NPLOC4: variants seen among roughly 807,000 people sequenced by gnomAD.
NPLOC4 encodes the protein nuclear protein localization protein 4 homolog.
In NPLOC4, 18 loss-of-function variants were observed where a neutral mutation model predicts 80.6. The observed-to-expected ratio is 0.22, with a 90% confidence interval of 0.15 to 0.33. The LOEUF is 0.33. Ranked by LOEUF, NPLOC4 falls within the 10% of genes least tolerant of loss-of-function variation. The pLI, the probability that NPLOC4 is intolerant of heterozygous loss-of-function variation, is 1.00. For synonymous variants in NPLOC4, 313 were observed against 301.5 expected, an observed-to-expected ratio of 1.04 and a Z score of -0.39; for missense variants, 540 against 786.1, an observed-to-expected ratio of 0.69 and a Z score of 3.74.
At chr17:81,565,288 A>C in intron 16 of NPLOC4, 1 of 701,470 alleles carries the variant, frequency 1.4e-6, no homozygotes, top group Non-Finnish European at 2.6e-6. Context: ...TGTGTACCTA[A>C]GACGTACGGC....
intron 8 of NPLOC4, among the ~76,000 whole-genome samples, chr17:81,601,261 T>A (rs776384299): frequency 2.6e-5 from 4 of 152,180 alleles, no homozygotes; most frequent in Non-Finnish European, 5.9e-5. Flanking sequence ...TGTAAATTAG[T>A]GAAAATCTGG....
chr17:81,604,467 C>G, intron 8 of NPLOC4, 81 bp downstream of exon 8: 1 of 1,293,676 alleles, frequency 7.7e-7, no homozygotes. Flanking sequence ...ACAAAGCGAA[C>G]AGGGCAAGGC....
At chr17:81,605,698 C>T (rs574572976) in intron 7 of NPLOC4, among the ~76,000 whole-genome samples, 2 of 151,580 alleles carry the variant, frequency 1.3e-5, no homozygotes, top group African/African-American at 2.4e-5. Context: ...AGTCCAGTGG[C>T]GGGACACGGG....
At chr17:81,621,383 C>G (rs62074729) in intron 3 of NPLOC4, among the ~76,000 whole-genome samples, 12,133 of 152,308 alleles carry the variant, frequency 0.08, 560 homozygotes, top group Middle Eastern at 0.17. Context: ...GCCCATCATT[C>G]TGGCTGGTAA....
At chr17:81,600,185 G>A (rs935349083) in intron 9 of NPLOC4, among the ~76,000 whole-genome samples, 156 bp downstream of exon 9, 21 of 152,046 alleles carry the variant, frequency 1.4e-4, no homozygotes, top group Admixed American at 4.6e-4. Flanking sequence ...ACAAACATAT[G>A]TGAAGTTTCA....
Position 81,604,542 on chromosome 17 carries a change from GT to G in NPLOC4, c.834+5del. 3 of 1,610,804 alleles carry G rather than the reference GT, an allele frequency of 1.9e-6. No individual in the cohort carries two copies. The highest frequency in any genetic ancestry group is 2.5e-6 in the Non-Finnish European group (3 of 1,178,668). Reference sequence around the variant, plus strand: ...AACTCAGGAACTTGAATCCCGTCATGTTTACCTGAGGTGGCTCATAAATCGC... The same window carrying G: ...AACTCAGGAACTTGAATCCCGTCATGTTACCTGAGGTGGCTCATAAATCGC... On this transcript the variant is annotated splice_donor_5th_base_variant and intron_variant, in intron 8 of 16. Coordinates refer to ENST00000331134, the MANE Select transcript of NPLOC4 (RefSeq NM_017921.4).
At chr17:81,619,965 G>A (rs2035621465) in intron 3 of NPLOC4, among the ~76,000 whole-genome samples, 2 of 152,044 alleles carry the variant, frequency 1.3e-5, no homozygotes, top group South Asian at 2.1e-4. Flanking sequence ...TTACCGCTTT[G>A]CATCGGCAGG....
At chr17:81,588,557 A>G (rs1004073422) in intron 12 of NPLOC4, among the ~76,000 whole-genome samples, 1 of 152,206 alleles carries the variant, frequency 6.6e-6, no homozygotes, top group Non-Finnish European at 1.5e-5. Context: ...TATGTTGCCC[A>G]GGCTGGTCTT....
intron 11 of NPLOC4, among the ~76,000 whole-genome samples, chr17:81,590,809 T>G (rs573344390): frequency 6.6e-6 from 1 of 151,672 alleles, no homozygotes; most frequent in African/African-American, 2.4e-5. Flanking sequence ...TCAAAAAAGG[T>G]GAGGGAGGAG....
In NPLOC4 at chr17:81,587,022, C is replaced by T. The variant is rs574644747; in HGVS notation, c.1281+1922G>A. On this transcript the variant is annotated intron_variant, in intron 12 of 16. Coordinates refer to ENST00000331134, the MANE Select transcript of NPLOC4 (RefSeq NM_017921.4). ...CAATGAGCAGCACACCACACACACT[C>T]AGCACGCCAGTAACAAGGACAGACA... is the stretch of plus-strand genomic sequence containing the variant. 2.0e-5 allele frequency among the ~76,000 whole-genome samples: 3 copies of T among 152,344 alleles called. No homozygotes were observed. In the South Asian group the frequency reaches 6.2e-4, roughly 32 times the overall value.
At chr17:81,610,526 C>T (rs1428456697) in intron 4 of NPLOC4, among the ~76,000 whole-genome samples, 1 of 152,184 alleles carries the variant, frequency 6.6e-6, no homozygotes, top group African/African-American at 2.4e-5. Flanking sequence ...ACTCCCACCT[C>T]AGCCTCCCCG....
chr17:81,593,986 T>A (rs1468909920), intron 11 of NPLOC4, among the ~76,000 whole-genome samples: 1 of 152,068 alleles, frequency 6.6e-6, no homozygotes, highest in East Asian at 1.9e-4. Context: ...AAAATAAATC[T>A]GACTCGGCCG....
intron 12 of NPLOC4, chr17:81,573,440 AGGCCCCCATTT>A (rs1165734654): frequency 6.6e-6 from 1 of 151,850 alleles, no homozygotes; most frequent in Admixed American, 6.6e-5. Context: ...GAGAAGCCCC[AGGCCCCCATTT>A]GGCCCTTGGC....
At chr17:81,598,596 T>A (rs1450839510) in intron 9 of NPLOC4, among the ~76,000 whole-genome samples, 1 of 152,194 alleles carries the variant, frequency 6.6e-6, no homozygotes, top group Non-Finnish European at 1.5e-5. Flanking sequence ...TCTGAGGGTA[T>A]GAGGATCTGA....
chr17:81,631,839 G>A (rs923730352), intron 1 of NPLOC4, among the ~76,000 whole-genome samples: 1 of 151,620 alleles, frequency 6.6e-6, no homozygotes, highest in Non-Finnish European at 1.5e-5. Context: ...CAATCTTGTG[G>A]CCCAGGCTGG....
chr17:81,610,676 G>GCAGT (rs1180750335), intron 4 of NPLOC4, among the ~76,000 whole-genome samples: 17 of 35,390 alleles, frequency 4.8e-4, no homozygotes, highest in Non-Finnish European at 1.1e-3. Flanking sequence ...AACCAGGCCG[G>GCAGT]GCGCGGTGGC....
Position 81,572,331 on chromosome 17 carries a change from G to A in NPLOC4, c.1282-243C>T, listed in dbSNP as rs1318744671. ...AGCCTCCCAAGTAGCTGGGACTACA[G>A]GCGCCCGCCACCACGCCCGGCTAAT... On this transcript the variant is annotated intron_variant, in intron 12 of 16. Transcript: ENST00000331134. This position sits in a 1 kb window ranked among gnomAD's most constrained non-coding sequence, Gnocchi z 4.5. 2.0e-5 allele frequency among the ~76,000 whole-genome samples: 3 copies of A among 151,918 alleles called. No homozygotes were observed. Among genetic ancestry groups the A allele is most frequent in the East Asian group, 1.9e-4 (1 of 5,174 alleles).
At chr17:81,582,340 G>A (rs1290593213) in intron 12 of NPLOC4, among the ~76,000 whole-genome samples, 1 of 152,232 alleles carries the variant, frequency 6.6e-6, no homozygotes, top group African/African-American at 2.4e-5. Flanking sequence ...GCATGGACCC[G>A]AGTTTCACCT....
At chr17:81,613,090 A>C (rs1408549538) in intron 4 of NPLOC4, 1 of 431,110 alleles carries the variant, frequency 2.3e-6, no homozygotes, top group African/African-American at 2.1e-5. Flanking sequence ...AAAATTTTTT[A>C]TGGGAACATA....
Sources: allele counts gnomAD v4.1 joint callset (sites outside exome capture counted in the v4.1 genomes callset), GRCh38; gene constraint gnomAD v4.1.1; non-coding constraint Gnocchi (gnomAD v3.1); transcripts MANE v1.5; gene names NCBI Gene and HGNC (gene_info 2026-07-23, HGNC 2026-07-21).